Variants in PROM1 observed in about 807,000 individuals in gnomAD.
The protein encoded by PROM1 is prominin-1.
A neutral mutation model predicts 116.9 loss-of-function variants in PROM1; 105 were observed. The observed-to-expected ratio is 0.90, with a 90% CI of 0.77 to 1.06. PROM1 has a LOEUF of 1.06. PROM1 is among the 50% of genes least tolerant of loss of function. The probability of loss-of-function intolerance (pLI) is 0.00; values close to 1 mark genes in which losing one functional copy is unlikely to be tolerated. For synonymous variants in PROM1, 393 were observed against 387.0 expected (o/e 1.02, Z -0.18); for missense variants, 1,122 against 1,045.2 (o/e 1.07, Z -1.01).
intron 6 of PROM1, 38 bp downstream of exon 6, chr4:16,025,154 T>C (rs1197677049): frequency 1.9e-6 from 3 of 1,591,066 alleles, no homozygotes; most frequent in East Asian, 2.2e-5. Flanking sequence ...AAACCAAAAA[T>C]ATAAAGCATC....
At chr4:16,046,908 C>T (rs905660513) in intron 2 of PROM1, among the ~76,000 whole-genome samples, 9 of 152,218 alleles carry the variant, frequency 5.9e-5, no homozygotes, top group East Asian at 1.9e-4. Flanking sequence ...CATCCAACCA[C>T]GCACTCCTTC....
At chr4:16,057,342 G>A (rs558095378) in intron 2 of PROM1, among the ~76,000 whole-genome samples, 6 of 152,238 alleles carry the variant, frequency 3.9e-5, no homozygotes, top group East Asian at 1.9e-4. Flanking sequence ...AGTCAGGTTC[G>A]AAGAGAGCCT....
intron 8 of PROM1, among the ~76,000 whole-genome samples, chr4:16,019,871 T>TACACAC (rs3040447): frequency 0.015 from 2,246 of 147,838 alleles, 20 homozygotes; most frequent in African/African-American, 0.028. Context: ...GTGTTAAAAA[T>TACACAC]ACACACACAC....
intron 10 of PROM1, among the ~76,000 whole-genome samples, chr4:16,014,472 A>G (rs1297749667): frequency 6.6e-6 from 1 of 152,234 alleles, no homozygotes; most frequent in Non-Finnish European, 1.5e-5. Context: ...TGCAAAGACC[A>G]AGAAATTTGG....
chr4:16,023,211 G>A (rs573289284), intron 8 of PROM1, 115 bp downstream of exon 8: 23 of 870,072 alleles, frequency 2.6e-5, no homozygotes, highest in South Asian at 2.3e-4. Flanking sequence ...GCATGGCCAC[G>A]GACGGTGGCT....
At chr4:15,987,591 C>G in intron 20 of PROM1, 72 bp downstream of exon 20, 3 of 1,457,618 alleles carry the variant, frequency 2.1e-6, no homozygotes, top group Non-Finnish European at 2.8e-6. Context: ...CTACAAAAAT[C>G]CACATTTCTA....
intron 2 of PROM1, among the ~76,000 whole-genome samples, chr4:16,063,575 G>A (rs1740842636): frequency 6.6e-6 from 1 of 152,194 alleles, no homozygotes; most frequent in Non-Finnish European, 1.5e-5. Flanking sequence ...CAGCCTGGGT[G>A]ACAGAGTGAG....
intron 10 of PROM1, 62 bp downstream of exon 10, chr4:16,016,104 T>G (rs1453335271): frequency 7.3e-7 from 1 of 1,375,920 alleles, no homozygotes; most frequent in Non-Finnish European, 1.0e-6. Context: ...TATTTTCTTA[T>G]GTACTAGTCC....
rs1725587940 is a variant in PROM1 at position 16,006,685 on chromosome 4, A to T, written c.1307T>A (p.Leu436Gln). The T allele has an allele frequency of 1.2e-6, 2 of 1,612,918 alleles. No homozygotes were observed. The highest frequency in any genetic ancestry group is 1.7e-6 in the Non-Finnish European group (2 of 1,179,562). Reference protein sequence around the residue: ...TLEEYDSYWWLGGLVICSLLT... With the variant: ...TLEEYDSYWWQGGLVICSLLT... ...CAGAGAGCAGATGACCAGGCCACCC[A>T]GCCACCTGGAGAGGCAAGCACAGTG... The change falls in exon 13 of 28, where the codon CTG (leucine) becomes CAG (glutamine). Residue 436 changes from leucine (L) to glutamine (Q), a missense_variant. Coordinates refer to ENST00000447510, the MANE Select transcript of PROM1 (RefSeq NM_006017.3).
chr4:16,042,201 T>C (rs139448051), intron 2 of PROM1, among the ~76,000 whole-genome samples: 2 of 152,296 alleles, frequency 1.3e-5, no homozygotes, highest in East Asian at 3.9e-4. Context: ...ACTAGAGCTT[T>C]CAAGCAAAAA....
chr4:16,051,583 T>A (rs1737903828), intron 2 of PROM1, among the ~76,000 whole-genome samples: 1 of 152,198 alleles, frequency 6.6e-6, no homozygotes, highest in Admixed American at 6.5e-5. Flanking sequence ...TGTGGGGTTT[T>A]GGCCACAGGT....
At chr4:16,006,443 C>T (rs1725494884) in intron 13 of PROM1, 95 bp downstream of exon 13, 8 of 1,404,314 alleles carry the variant, frequency 5.7e-6, no homozygotes, top group Non-Finnish European at 7.6e-6. Context: ...GCGTACGTGG[C>T]CCAGAGGGCG....
At chr4:15,973,888 T>C (rs1715341645) in intron 26 of PROM1, among the ~76,000 whole-genome samples, 2 of 152,198 alleles carry the variant, frequency 1.3e-5, no homozygotes, top group South Asian at 2.1e-4. Context: ...AACAAGGCGG[T>C]GACGACAGCC....
At position 16,033,188 on chromosome 4, in the gene PROM1, T is replaced by A. The variant is rs915740194; in HGVS notation, c.509+116A>T. On this transcript the variant is annotated intron_variant, in intron 5 of 27. Coordinates refer to ENST00000447510, the MANE Select transcript of PROM1 (RefSeq NM_006017.3). The stretch of plus-strand genomic sequence containing the variant: ...GCTCTCTCTTTTCTGTTTGGTGGGT[T>A]TTTTTTTCATTGTTGCTATTTTGTT... 13 of 911,216 alleles carry A rather than the reference T, an allele frequency of 1.4e-5. 1 individual carries two copies. The South Asian group carries it at 1.7e-4, about 12-fold the overall frequency. The allele number at this position is 911,216 out of a possible 1,614,324, so 56.4% of individuals were successfully genotyped here.
intron 10 of PROM1, among the ~76,000 whole-genome samples, chr4:16,014,949 A>T (rs909407198): frequency 3.3e-5 from 5 of 152,232 alleles, no homozygotes; most frequent in African/African-American, 1.2e-4. Flanking sequence ...TTAAAGAAAT[A>T]ATTACAGTTA....
At chr4:16,074,725 A>G (rs1372810205) in intron 2 of PROM1, among the ~76,000 whole-genome samples, 2 of 152,228 alleles carry the variant, frequency 1.3e-5, no homozygotes, top group Admixed American at 1.3e-4. Context: ...TAATGAAAAT[A>G]TATAAACTCC....
chr4:16,047,786 G>C (rs1736886386), intron 2 of PROM1, among the ~76,000 whole-genome samples: 1 of 152,088 alleles, frequency 6.6e-6, no homozygotes, highest in African/African-American at 2.4e-5. Context: ...AGAGCAGGTA[G>C]AGGAACTATC....
intron 2 of PROM1, among the ~76,000 whole-genome samples, chr4:16,063,143 C>T (rs569169542): frequency 1.3e-5 from 2 of 152,148 alleles, no homozygotes; most frequent in East Asian, 1.9e-4. Context: ...TACTAGTTTA[C>T]AGGAAATGCA....
chr4:16,074,353 C>T lies in PROM1; in HGVS notation c.220+1334G>A, dbSNP rs148033902. Among the ~76,000 whole-genome samples, 603 of 152,012 alleles carry T rather than the reference C, an allele frequency of 4.0e-3. 3 individuals are homozygous for T. The highest frequency in any genetic ancestry group is 0.014 in the African/African-American group (560 of 41,448). On this transcript the variant is annotated intron_variant, in intron 2 of 27. Coordinates refer to ENST00000447510, the MANE Select transcript of PROM1 (RefSeq NM_006017.3). The stretch of plus-strand genomic sequence containing the variant: ...GTGAATATATACACCTACTAGGTAC[C>T]GACAAAAATTAAAGAGTTTTTTTAA...
Sources: allele counts gnomAD v4.1 joint callset (sites outside exome capture counted in the v4.1 genomes callset), GRCh38; gene constraint gnomAD v4.1.1; transcripts MANE v1.5; gene names NCBI Gene and HGNC (gene_info 2026-07-23, HGNC 2026-07-21).